COQ8A: variants seen among roughly 807,000 people sequenced by gnomAD.
COQ8A encodes atypical kinase COQ8A, mitochondrial.
Under a neutral mutation model 65.0 loss-of-function variants are expected in COQ8A, and 51 were observed. The ratio of observed to expected loss-of-function variants is 0.78; its 90% CI spans 0.63 to 0.99. COQ8A has a LOEUF of 0.99. COQ8A is among the 50% of genes least tolerant of loss of function. The pLI is 0.00. For synonymous variants in COQ8A, 371 were observed against 353.2 expected (o/e 1.05, Z -0.57); for missense variants, 940 against 875.0 (o/e 1.07, Z -0.94).
rs901126758 is a variant in COQ8A at position 226,983,127 on chromosome 1, C to T, written c.1080+93C>T. Reference sequence around the variant, plus strand: ...ATGGAGGCCTCTACACCCCACGTCCCGCAGGGCACCCTCTCTCCTGGCAGG... The same window carrying T: ...ATGGAGGCCTCTACACCCCACGTCCTGCAGGGCACCCTCTCTCCTGGCAGG... On this transcript the variant is annotated intron_variant, in intron 8 of 14. Transcript: ENST00000366777. The T allele has an allele frequency of 7.2e-5, 107 of 1,483,296 alleles. 2 individuals are homozygous for T. The South Asian group carries it at 9.8e-4, about 14-fold the overall frequency. 91.9% of individuals were successfully genotyped at this position (1,483,296 alleles called of 1,614,324 possible). A position where few individuals can be genotyped will look rare whatever the true frequency, so the allele number is the denominator to read the frequency against.
chr1:226,983,843 C>T lies in COQ8A; in HGVS notation c.1245C>T (p.Ala415=). ...ACTACCAGCGAGAGGCCGCCTGTGC[C>T]CGCAAGTTCAGGTGTGGCCCCCGGC... ...ECDYQREAAC[A]RKFRDLLKGH... The change falls in exon 10 of 15, where the codon GCC becomes GCT. Residue 415 remains alanine (A), a synonymous_variant. Coordinates refer to ENST00000366777, the MANE Select transcript of COQ8A (RefSeq NM_020247.5). The T allele has an allele frequency of 1.2e-6, 2 of 1,610,600 alleles. No individual in the cohort carries two copies. Among genetic ancestry groups the T allele is most frequent in the Middle Eastern group, 2.0e-4 (1 of 4,942 alleles).
intron 5 of COQ8A, among the ~76,000 whole-genome samples, chr1:226,980,327 C>T (rs1659611154): frequency 1.3e-5 from 2 of 152,242 alleles, no homozygotes; most frequent in African/African-American, 4.8e-5. Flanking sequence ...CAATGGGCTA[C>T]CTGGGAAAGC....
At chr1:226,977,682 TACAG>T (rs916252734) in intron 5 of COQ8A, among the ~76,000 whole-genome samples, 159 bp downstream of exon 5, 7 of 152,118 alleles carry the variant, frequency 4.6e-5, no homozygotes, top group Non-Finnish European at 7.4e-5. Flanking sequence ...AGGCTGTTCA[TACAG>T]ACAGATTGAC....
Position 226,986,802 on chromosome 1 carries a change from T to A in COQ8A, c.*65T>A. ...CTCCCTCAGACAGGCCAAAAACCAG[T>A]AGCGAGGTCGTGGTGATGCTCTTTT... On this transcript the variant is annotated 3_prime_UTR_variant, in exon 15 of 15. Transcript: ENST00000366777. 6.4e-7 allele frequency: 1 copy of A among 1,564,580 alleles called. No homozygotes were observed. Among genetic ancestry groups the A allele is most frequent in the South Asian group, 1.1e-5 (1 of 87,344 alleles).
In COQ8A at chr1:226,985,353, G is replaced by T; in HGVS notation, c.1659+13G>T. On this transcript the variant is annotated intron_variant, in intron 14 of 14. Coordinates refer to ENST00000366777, the MANE Select transcript of COQ8A (RefSeq NM_020247.5). ...CTACGAGGTCAAGGTGAGCAGGGTT[G>T]CGGGGGATCCCCTGGGCCTGCTGAC... 6.2e-7 allele frequency: 1 copy of T among 1,613,146 alleles called. No individual in the cohort carries two copies. Among genetic ancestry groups the T allele is most frequent in the African/African-American group, 1.3e-5 (1 of 75,046 alleles).
At position 226,985,010 on chromosome 1, in the gene COQ8A, G is replaced by A. The variant is rs773253916; in HGVS notation, c.1572+69G>A. On this transcript the variant is annotated intron_variant, in intron 13 of 14. Transcript: ENST00000366777. ...GCTGGGACAGGATGCTGGGGGACTC[G>A]GGGTAGGGAGAATGACTGGGTTCCT... is the stretch of plus-strand genomic sequence containing the variant. 32 of 1,571,860 alleles carry A rather than the reference G, an allele frequency of 2.0e-5. No homozygotes were observed. In the Admixed American group the frequency reaches 4.1e-4, roughly 20 times the overall value.
At chr1:226,951,574 A>G (rs1034706227) in intron 1 of COQ8A, among the ~76,000 whole-genome samples, 1 of 152,164 alleles carries the variant, frequency 6.6e-6, no homozygotes, top group African/African-American at 2.4e-5. Context: ...GGTCAGGAGC[A>G]GAACTATAAT....
intron 1 of COQ8A, among the ~76,000 whole-genome samples, chr1:226,951,737 T>A (rs1352674377): frequency 6.6e-6 from 1 of 151,916 alleles, no homozygotes; most frequent in Non-Finnish European, 1.5e-5. Context: ...GGGTCATAGA[T>A]CTTTCTTGCA....
rs931043132 is a variant in COQ8A at position 226,949,876 on chromosome 1, A to C, written c.-10+9477A>C. 1.3e-5 allele frequency among the ~76,000 whole-genome samples: 2 copies of C among 152,236 alleles called. No homozygotes were observed. The highest frequency in any genetic ancestry group is 1.5e-5 in the Non-Finnish European group (1 of 68,046). ...ATGAGGAAACTGAGGCACAAAGATA[A>C]GCTCACATGACTTGATTTAGGTCAC... On this transcript the variant is annotated intron_variant, in intron 1 of 14. Coordinates refer to ENST00000366777, the MANE Select transcript of COQ8A (RefSeq NM_020247.5). This position sits in a 1 kb window ranked among gnomAD's most constrained non-coding sequence, Gnocchi z 4.0.
In COQ8A at chr1:226,986,861, T is replaced by C; in HGVS notation, c.*124T>C. The C allele has an allele frequency of 8.2e-7, 1 of 1,224,582 alleles. No individual in the cohort carries two copies. The highest frequency in any genetic ancestry group is 1.3e-5 in the South Asian group (1 of 74,800). 75.9% of individuals were successfully genotyped at this position (1,224,582 alleles called of 1,614,324 possible). ...TTGCCCAATAAGGGGGGTGGCTGCCTGGAGCCCCGTAGCCAGCGCTTTCCA... is the reference window on the plus strand; with the variant it reads ...TTGCCCAATAAGGGGGGTGGCTGCCCGGAGCCCCGTAGCCAGCGCTTTCCA... On this transcript the variant is annotated 3_prime_UTR_variant, in exon 15 of 15. Transcript: ENST00000366777.
chr1:226,941,586 G>A (rs1656695441), intron 1 of COQ8A, among the ~76,000 whole-genome samples: 1 of 151,792 alleles, frequency 6.6e-6, no homozygotes, highest in South Asian at 2.1e-4. Context: ...GGCCAAAATG[G>A]TGAAACCCCG....
intron 1 of COQ8A, among the ~76,000 whole-genome samples, chr1:226,941,395 C>G (rs114346006): frequency 6.6e-6 from 1 of 152,286 alleles, no homozygotes; most frequent in African/African-American, 2.4e-5. Context: ...GGCAGGAGGG[C>G]TCTTGGGAGA....
chr1:226,983,208 G>A (rs781206065), intron 8 of COQ8A, 174 bp downstream of exon 8: 193 of 1,072,812 alleles, frequency 1.8e-4, no homozygotes, highest in Non-Finnish European at 2.4e-4. Context: ...AGCTTGGGAA[G>A]TATTTGCTAA....
In COQ8A at chr1:226,958,948, A is replaced by G. The variant is rs114037739; in HGVS notation, c.-9-2429A>G. 6.5e-3 allele frequency among the ~76,000 whole-genome samples: 982 copies of G among 152,176 alleles called. 2 individuals are homozygous for G. The highest frequency in any genetic ancestry group is 0.013 in the Admixed American group (196 of 15,292). On this transcript the variant is annotated intron_variant, in intron 1 of 14. Transcript: ENST00000366777. ...CAGATGAAGTCACGGTGCTGATAGG[A>G]TTTTTAACTTGTGTATTACATGGTT...
chr1:226,982,275 C>A, intron 6 of COQ8A, 126 bp downstream of exon 6: 1 of 1,388,220 alleles, frequency 7.2e-7, no homozygotes, highest in South Asian at 1.4e-5. Context: ...GGGGAGAGAT[C>A]TTAGAAGATA....
intron 4 of COQ8A, among the ~76,000 whole-genome samples, chr1:226,976,771 AAG>A (rs1277333937): frequency 2.0e-5 from 3 of 152,098 alleles, no homozygotes; most frequent in African/African-American, 4.8e-5. Context: ...AAGATTGTGA[AAG>A]AGGATAATGG....
intron 1 of COQ8A, among the ~76,000 whole-genome samples, chr1:226,948,379 C>G (rs1657176097): frequency 6.6e-6 from 1 of 152,128 alleles, no homozygotes; most frequent in Non-Finnish European, 1.5e-5. Flanking sequence ...TACATTGGGC[C>G]CACCTGGATA....
At chr1:226,970,302 A>T (rs1204311526) in intron 4 of COQ8A, among the ~76,000 whole-genome samples, 1 of 152,356 alleles carries the variant, frequency 6.6e-6, no homozygotes, top group East Asian at 1.9e-4. Flanking sequence ...GTCGTTAGGC[A>T]GTTTCATCAT....
chr1:226,941,056 C>T lies in COQ8A; in HGVS notation c.-10+657C>T, dbSNP rs191741164. 1.2e-3 allele frequency among the ~76,000 whole-genome samples: 184 copies of T among 152,324 alleles called. 1 individual carries two copies. The highest frequency in any genetic ancestry group is 4.4e-3 in the African/African-American group (182 of 41,566). On this transcript the variant is annotated intron_variant, in intron 1 of 14. Coordinates refer to ENST00000366777, the MANE Select transcript of COQ8A (RefSeq NM_020247.5). ...CCTAAACTCGAACCTTTCCGAGGCT[C>T]ATTCTCACCCATTGCACAGAGGTAA... is the stretch of plus-strand genomic sequence containing the variant.
Sources: allele counts gnomAD v4.1 joint callset (sites outside exome capture counted in the v4.1 genomes callset), GRCh38; gene constraint gnomAD v4.1.1; non-coding constraint Gnocchi (gnomAD v3.1); transcripts MANE v1.5; gene names NCBI Gene and HGNC (gene_info 2026-07-23, HGNC 2026-07-21).